PRLR: variants seen among roughly 807,000 people sequenced by gnomAD.
PRLR encodes hPRL receptor.
In PRLR, 13 loss-of-function variants were observed where a neutral mutation model predicts 40.2. The observed-to-expected ratio is 0.32, with a 90% CI of 0.21 to 0.51. The LOEUF (loss-of-function observed/expected upper bound fraction) is 0.51. Ranked by LOEUF, PRLR falls within the 20% of genes least tolerant of loss-of-function variation. The pLI, the probability that PRLR is intolerant of heterozygous loss-of-function variation, is 0.97. For missense variants in PRLR, 656 were observed against 747.3 expected (o/e 0.88, Z 1.42); for synonymous variants, 269 against 278.7 (o/e 0.97, Z 0.35).
Position 35,065,882 on chromosome 5 carries a change from A to G in PRLR, c.1076T>C (p.Leu359Pro). The change falls in exon 10 of 10, where the codon CTT (leucine) becomes CCT (proline). Residue 359 changes from leucine to proline, a missense_variant. This residue lies in a region of PRLR where 469 missense variants were observed against 491.5 expected (regional missense o/e 0.95). Transcript: ENST00000618457. ...GGGTTCCTCACACTTTTCAGACAAA[A>G]GGGAAGGGCTGTCACAGCTCCCCCG... is the stretch of plus-strand genomic sequence containing the variant. ...SGRGSCDSPS[L>P]LSEKCEEPQA... is the part of the protein sequence containing the mutation. The G allele has an allele frequency of 6.2e-7, 1 of 1,614,126 alleles. No homozygotes were observed. The highest frequency in any genetic ancestry group is 8.5e-7 in the Non-Finnish European group (1 of 1,180,012).
chr5:35,115,382 GT>G (rs1246229780), intron 2 of PRLR, among the ~76,000 whole-genome samples: 7 of 152,198 alleles, frequency 4.6e-5, no homozygotes, highest in African/African-American at 1.7e-4. Flanking sequence ...TTAGGTACAT[GT>G]GTAGGTTTTG....
chr5:35,176,743 T>C lies in PRLR; in HGVS notation c.-106+53525A>G, dbSNP rs551618844. Among the ~76,000 whole-genome samples, 1,470 of 150,940 alleles carry C rather than the reference T, an allele frequency of 9.7e-3. 27 individuals are homozygous for C. The highest frequency in any genetic ancestry group is 0.035 in the African/African-American group (1,416 of 41,018). ...TTGTCCAAGGTTTCTCCCCATGTGATAGTCTGAAATACGGCCTCGTGGGAA... is the reference window on the plus strand; with the variant it reads ...TTGTCCAAGGTTTCTCCCCATGTGACAGTCTGAAATACGGCCTCGTGGGAA... On this transcript the variant is annotated intron_variant, in intron 1 of 9. Transcript: ENST00000618457.
intron 1 of PRLR, among the ~76,000 whole-genome samples, chr5:35,171,936 A>G (rs1279660112): frequency 6.6e-6 from 1 of 152,184 alleles, no homozygotes; most frequent in African/African-American, 2.4e-5. Flanking sequence ...TTAAGTGTGT[A>G]TTTTGTCAAT....
intron 1 of PRLR, among the ~76,000 whole-genome samples, chr5:35,119,858 A>G (rs1206732536): frequency 6.6e-6 from 1 of 152,154 alleles, no homozygotes; most frequent in African/African-American, 2.4e-5. Flanking sequence ...GACATCTGGA[A>G]CAGCAGATAG....
intron 1 of PRLR, among the ~76,000 whole-genome samples, chr5:35,156,775 T>C (rs941941367): frequency 6.6e-6 from 1 of 152,098 alleles, no homozygotes; most frequent in African/African-American, 2.4e-5. Flanking sequence ...TTGGAAGGGA[T>C]CTCTCTCCTC....
At chr5:35,160,056 G>C (rs1431556567) in intron 1 of PRLR, among the ~76,000 whole-genome samples, 1 of 152,160 alleles carries the variant, frequency 6.6e-6, no homozygotes, top group Admixed American at 6.5e-5. Context: ...CATTACCCAA[G>C]GTACAGGATC....
At chr5:35,055,270 G>A (rs1768654085), downstream of PRLR, among the ~76,000 whole-genome samples, 1 of 152,130 alleles carries the variant, frequency 6.6e-6, no homozygotes, top group Non-Finnish European at 1.5e-5. Flanking sequence ...TGGGAAAGTT[G>A]ATCGAATCTC....
intron 1 of PRLR, among the ~76,000 whole-genome samples, chr5:35,136,649 GC>G (rs1368187839): frequency 3.9e-5 from 6 of 152,092 alleles, no homozygotes; most frequent in Non-Finnish European, 5.9e-5. Flanking sequence ...TCCTTGAGAG[GC>G]CCAGTTCCTA....
chr5:35,070,365 A>G (rs1159657288), intron 6 of PRLR, 100 bp from the exon 7 acceptor site: 3 of 1,271,956 alleles, frequency 2.4e-6, no homozygotes, highest in Admixed American at 2.0e-5. Context: ...GAACAATCAT[A>G]TACAGAGAAT....
chr5:35,224,459 G>C (rs1261689126), intron 1 of PRLR, among the ~76,000 whole-genome samples: 1 of 152,164 alleles, frequency 6.6e-6, no homozygotes, highest in African/African-American at 2.4e-5. Flanking sequence ...ATTCATTCTT[G>C]TCAGCTTCTT....
At chr5:35,099,901 G>A (rs1044163414) in intron 2 of PRLR, among the ~76,000 whole-genome samples, 1 of 152,114 alleles carries the variant, frequency 6.6e-6, no homozygotes, top group African/African-American at 2.4e-5. Flanking sequence ...TCAAGGCCAG[G>A]CACGGTGGTT....
chr5:35,089,269 C>A (rs1771056208), intron 3 of PRLR, among the ~76,000 whole-genome samples: 1 of 152,210 alleles, frequency 6.6e-6, no homozygotes, highest in Admixed American at 6.5e-5. Flanking sequence ...TAGAAACTGG[C>A]AGGACCTGGA....
intron 1 of PRLR, among the ~76,000 whole-genome samples, chr5:35,179,576 A>G (rs1265251208): frequency 1.3e-5 from 2 of 152,226 alleles, no homozygotes; most frequent in Non-Finnish European, 2.9e-5. Context: ...CAGTGACTTG[A>G]TAACAGCACC....
intron 1 of PRLR, among the ~76,000 whole-genome samples, chr5:35,147,245 T>C (rs1268347656): frequency 1.3e-5 from 2 of 152,194 alleles, no homozygotes; most frequent in African/African-American, 2.4e-5. Context: ...CACTGAAATC[T>C]CCCTGAGATT....
Position 35,065,927 on chromosome 5 carries a change from T to C in PRLR, c.1031A>G (p.Asp344Gly). Residue 344 changes from aspartate to glycine, a missense_variant, in exon 10 of 10, where the codon GAT becomes GGT. Coordinates refer to ENST00000618457, the MANE Select transcript of PRLR (RefSeq NM_000949.7). The part of the protein sequence containing the change: ...PSQGMKPTYL[D>G]PDTDSGRGSC... Reference sequence around the variant, plus strand: ...CCCCCGGCCTGAGTCAGTGTCAGGATCCAGGTATGTGGGTTTCATACCTTG... The same window carrying C: ...CCCCCGGCCTGAGTCAGTGTCAGGACCCAGGTATGTGGGTTTCATACCTTG... The C allele has an allele frequency of 6.2e-7, 1 of 1,614,136 alleles. No homozygotes were observed.
At chr5:35,157,861 G>T (rs557870189) in intron 1 of PRLR, among the ~76,000 whole-genome samples, 2 of 152,290 alleles carry the variant, frequency 1.3e-5, no homozygotes, top group East Asian at 1.9e-4. Context: ...ATACTTTTTT[G>T]TGTGTGTTCC....
chr5:35,115,704 G>A (rs996734993), intron 2 of PRLR, among the ~76,000 whole-genome samples: 5 of 151,904 alleles, frequency 3.3e-5, no homozygotes, highest in Non-Finnish European at 7.4e-5. Context: ...TGGTATGCCA[G>A]GCAAAGACAG....
At position 35,065,258 on chromosome 5, in the gene PRLR, T is replaced by G. The variant is rs200410277; in HGVS notation, c.1700A>C (p.Lys567Thr). 1.9e-6 allele frequency: 3 copies of G among 1,614,166 alleles called. No homozygotes were observed. Among genetic ancestry groups the G allele is most frequent in the Admixed American group, 3.3e-5 (2 of 60,024 alleles). The change falls in exon 10 of 10, where the codon AAA (lysine) becomes ACA (threonine). Residue 567 changes from lysine to threonine, a missense_variant. By Grantham distance (78) the Lys-to-Thr change is moderately conservative. Around this residue, in one of 3 missense-constraint regions of PRLR, gnomAD observed 469 missense variants for 491.5 expected, o/e 0.95. Coordinates refer to ENST00000618457, the MANE Select transcript of PRLR (RefSeq NM_000949.7). ...ILVLVPDPHA[K>T]NVACFEESAK... ...TGATTCTTCAAAGCAAGCCACGTTTTTAGCATGTGGATCTGGCACCAACAC... is the reference window on the plus strand; with the variant it reads ...TGATTCTTCAAAGCAAGCCACGTTTGTAGCATGTGGATCTGGCACCAACAC...
In PRLR at chr5:35,070,131, T is replaced by C. The variant is rs1769650879; in HGVS notation, c.678A>G (p.Ile226Met). Reference protein sequence around the residue: ...SAWSPATFIQIPSDFTMNDTT... With the variant: ...SAWSPATFIQMPSDFTMNDTT... ...AAGAGCCAAGACGCTCACCACTAGG[T>C]ATCTGAATGAAGGTCGCTGGACTCC... The change falls in exon 7 of 10, where the codon ATA becomes ATG. Residue 226 changes from isoleucine to methionine, a missense_variant. Ile to Met is a conservative substitution (Grantham distance 10, BLOSUM62 1). Coordinates refer to ENST00000618457, the MANE Select transcript of PRLR (RefSeq NM_000949.7). 2 of 1,609,218 alleles carry C rather than the reference T, an allele frequency of 1.2e-6. No individual in the cohort carries two copies. Among genetic ancestry groups the C allele is most frequent in the Non-Finnish European group, 1.7e-6 (2 of 1,178,978 alleles).
Sources: gnomAD v4.1 joint callset for allele counts (sites outside exome capture counted in the v4.1 genomes callset) on GRCh38, gnomAD v4.1.1 for gene constraint, gnomAD v4.1.1 regional missense constraint, MANE v1.5 for transcripts, NCBI Gene and HGNC (gene_info 2026-07-23, HGNC 2026-07-21) for gene names.